The following PHF24 variants were observed in gnomAD, a reference collection of about 807,000 sequenced individuals.
PHF24 encodes Galpha inhibitory interacting protein.
In PHF24, 25 loss-of-function variants were observed where a neutral mutation model predicts 42.6. The ratio of observed to expected loss-of-function variants is 0.59; its 90% CI spans 0.43 to 0.82. The LOEUF is 0.82. PHF24 is among the 40% of genes least tolerant of loss of function. The pLI is 0.00. For synonymous variants in PHF24, 185 were observed against 204.8 expected, an observed-to-expected ratio of 0.90 and a Z score of 0.83; for missense variants, 470 against 538.1, an observed-to-expected ratio of 0.87 and a Z score of 1.25.
chr9:34,694,656 A>G, the PHF24 span, among the ~76,000 whole-genome samples: 2 of 152,110 alleles, frequency 1.3e-5, no homozygotes, highest in Non-Finnish European at 1.5e-5. Context: ...TTTAATACAG[A>G]TGAGATTTCA....
the PHF24 span, chr9:34,917,735 G>A: frequency 1.2e-6 from 1 of 824,120 alleles, no homozygotes; most frequent in Non-Finnish European, 2.2e-6. Flanking sequence ...CTTGTATGCT[G>A]GAGTCAGGAT....
the PHF24 span, among the ~76,000 whole-genome samples, chr9:34,827,627 C>T: frequency 1.3e-5 from 2 of 152,160 alleles, no homozygotes; most frequent in Non-Finnish European, 2.9e-5. Flanking sequence ...TCCCTCAAAA[C>T]ATGTCATAAA....
chr9:34,940,567 C>T, the PHF24 span, among the ~76,000 whole-genome samples: 8 of 152,266 alleles, frequency 5.3e-5, no homozygotes, highest in East Asian at 1.2e-3. Flanking sequence ...AGGCCAGCAA[C>T]ATAGTGAGAC....
the PHF24 span, among the ~76,000 whole-genome samples, chr9:34,875,781 A>G: frequency 6.6e-6 from 1 of 151,860 alleles, no homozygotes; most frequent in Non-Finnish European, 1.5e-5. Context: ...ATGCTTCCTC[A>G]CCTAATCATA....
At chr9:34,886,856 A>ATCTATCTG in the PHF24 span, among the ~76,000 whole-genome samples, 1 of 151,096 alleles carries the variant, frequency 6.6e-6, no homozygotes, top group Non-Finnish European at 1.5e-5. Flanking sequence ...CTATCTATCT[A>ATCTATCTG]TCTATCTCTG....
the PHF24 span, among the ~76,000 whole-genome samples, chr9:34,939,288 A>T: frequency 6.6e-6 from 1 of 152,200 alleles, no homozygotes; most frequent in African/African-American, 2.4e-5. Flanking sequence ...TCAAATAATA[A>T]TAATAATAAA....
the PHF24 span, among the ~76,000 whole-genome samples, chr9:34,745,499 A>C: frequency 3.9e-5 from 6 of 152,070 alleles, no homozygotes; most frequent in Non-Finnish European, 8.8e-5. Context: ...GGTAGGTAAA[A>C]TACTGACGGG....
chr9:34,960,034 T>A (rs1249815955), intron 1 of PHF24, among the ~76,000 whole-genome samples: 1 of 152,192 alleles, frequency 6.6e-6, no homozygotes, highest in African/African-American at 2.4e-5. Context: ...ACTGGGAGTC[T>A]GTTAGGGGGA....
At position 34,971,620 on chromosome 9, in the gene PHF24, A is replaced by G. The variant is rs1398732417; in HGVS notation, c.322A>G (p.Thr108Ala). 3.7e-6 allele frequency: 6 copies of G among 1,613,844 alleles called. No homozygotes were observed. In the East Asian group the frequency reaches 8.9e-5, roughly 24 times the overall value. ...CACACCCCCTGCGTTCATCCGCCCC[A>G]CCCGGAAGCTGGATGATGACAAACC... Residue 108 changes from threonine to alanine, a missense_variant, in exon 2 of 8, where the codon ACC becomes GCC. Thr to Ala is a moderately conservative substitution (Grantham distance 58). Coordinates refer to ENST00000242315, the Ensembl canonical transcript of PHF24.
the PHF24 span, among the ~76,000 whole-genome samples, chr9:34,740,843 A>G: frequency 6.6e-6 from 1 of 152,124 alleles, no homozygotes; most frequent in Non-Finnish European, 1.5e-5. Context: ...ATGGTCTCGT[A>G]TGTAAGTGAA....
chr9:34,720,461 A>AC, the PHF24 span, among the ~76,000 whole-genome samples: 2 of 139,492 alleles, frequency 1.4e-5, 1 homozygote, highest in African/African-American at 5.2e-5. Flanking sequence ...CAAAAAAAAA[A>AC]CAAAACAAAA....
At chr9:34,822,315 T>C in the PHF24 span, among the ~76,000 whole-genome samples, 1 of 152,220 alleles carries the variant, frequency 6.6e-6, no homozygotes, top group Non-Finnish European at 1.5e-5. Flanking sequence ...TTTCTTTTCA[T>C]AAAGTTCTGT....
At chr9:34,923,829 TATTA>T in the PHF24 span, among the ~76,000 whole-genome samples, 4 of 152,214 alleles carry the variant, frequency 2.6e-5, no homozygotes, top group East Asian at 7.7e-4. Context: ...CTTTGATCTT[TATTA>T]CTTTTTTCTT....
chr9:34,826,827 C>A, the PHF24 span, among the ~76,000 whole-genome samples: 4 of 152,206 alleles, frequency 2.6e-5, no homozygotes, highest in Non-Finnish European at 5.9e-5. Context: ...TACCCCCAAA[C>A]CTGAAGTAGT....
chr9:34,756,300 T>A, the PHF24 span, among the ~76,000 whole-genome samples: 1 of 152,132 alleles, frequency 6.6e-6, no homozygotes, highest in Non-Finnish European at 1.5e-5. Flanking sequence ...GGTTTTGCCA[T>A]GTTGGTCAGG....
the PHF24 span, among the ~76,000 whole-genome samples, chr9:34,943,881 C>T: frequency 6.6e-6 from 1 of 152,204 alleles, no homozygotes; most frequent in Non-Finnish European, 1.5e-5. Flanking sequence ...TACTATCAGC[C>T]CCTGAACTGC....
At chr9:34,785,625 AATAC>A in the PHF24 span, among the ~76,000 whole-genome samples, 1 of 152,196 alleles carries the variant, frequency 6.6e-6, no homozygotes, top group Non-Finnish European at 1.5e-5. Flanking sequence ...TACAGGAAGT[AATAC>A]ACACCCCCGT....
At chr9:34,870,921 G>GT in the PHF24 span, among the ~76,000 whole-genome samples, 1 of 152,196 alleles carries the variant, frequency 6.6e-6, no homozygotes, top group Non-Finnish European at 1.5e-5. Context: ...CATCCATGTG[G>GT]TTTTTGTGTG....
exon 6 of PHF24, chr9:34,977,084 A>G: frequency 6.3e-7 from 1 of 1,588,188 alleles, no homozygotes; most frequent in Non-Finnish European, 8.6e-7. Flanking sequence ...CTTCCCCAGA[A>G]CTCTCTGTTG....
Sources: gnomAD v4.1 joint callset for allele counts (sites outside exome capture counted in the v4.1 genomes callset) on GRCh38, gnomAD v4.1.1 for gene constraint, MANE v1.5 for transcripts, NCBI Gene and HGNC (gene_info 2026-07-23, HGNC 2026-07-21) for gene names.